PPP2R2C: variants seen among roughly 807,000 people sequenced by gnomAD.
The protein encoded by PPP2R2C is protein phosphatase 2, regulatory subunit B, gamma.
A neutral mutation model predicts 45.3 loss-of-function variants in PPP2R2C; 10 were observed. The ratio of observed to expected loss-of-function variants is 0.22; its 90% CI spans 0.14 to 0.37. The LOEUF is 0.37. Among genes scored for constraint, PPP2R2C ranks in the 10% least tolerant of loss-of-function variants. The pLI is 1.00. For synonymous variants in PPP2R2C, 257 were observed against 245.4 expected, an observed-to-expected ratio of 1.05 and a Z score of -0.44; for missense variants, 308 against 619.7, an observed-to-expected ratio of 0.50 and a Z score of 5.34.
At chr4:6,376,790 T>G (rs1025854027) in intron 3 of PPP2R2C, among the ~76,000 whole-genome samples, 3 of 152,134 alleles carry the variant, frequency 2.0e-5, no homozygotes, top group African/African-American at 7.2e-5. Flanking sequence ...AAGGAGCAGG[T>G]GCATGGGGAC....
intron 6 of PPP2R2C, among the ~76,000 whole-genome samples, chr4:6,344,373 T>C (rs916491643): frequency 1.3e-5 from 2 of 152,162 alleles, no homozygotes; most frequent in Non-Finnish European, 2.9e-5. Context: ...ATCAGGCATA[T>C]GAAATTACGT....
rs1329516944 is a variant in PPP2R2C, at chr4:6,381,015, G to A, written c.150C>T (p.Ile50=). 1.9e-6 allele frequency: 3 copies of A among 1,546,184 alleles called. No individual in the cohort carries two copies. Among genetic ancestry groups the A allele is most frequent in the African/African-American group, 2.7e-5 (2 of 73,526 alleles). ...ATGDKGGRVV[I]FQREPESKNA... The stretch of plus-strand genomic sequence containing the variant: ...TTCGCACCTCTGGTTCCCGCTGGAA[G>A]ATGACGACCCGGCCGCCCTTGTCAC... The change falls in exon 2 of 9, where the codon ATC becomes ATT. Residue 50 remains isoleucine, a synonymous_variant. Transcript: ENST00000382599.
At chr4:6,337,112 GTATATATATATATATATATA>G (rs61657951) in intron 6 of PPP2R2C, among the ~76,000 whole-genome samples, 487 of 30,132 alleles carry the variant, frequency 0.016, 32 homozygotes, top group African/African-American at 0.046. Context: ...ATGTGTGTGT[GTATATATATATATATATATA>G]TATATATATA....
At chr4:6,351,042 C>T (rs1712504042) in intron 5 of PPP2R2C, 1 of 984,502 alleles carries the variant, frequency 1.0e-6, no homozygotes, top group Admixed American at 6.1e-5. Flanking sequence ...CCAGAGCTCA[C>T]ACCTGTAATC....
intron 1 of PPP2R2C, chr4:6,382,457 A>G: frequency 7.4e-7 from 1 of 1,351,500 alleles, no homozygotes; most frequent in Non-Finnish European, 9.8e-7. Flanking sequence ...TGATGACCAA[A>G]CTCCTGAGCC....
intron 8 of PPP2R2C, among the ~76,000 whole-genome samples, chr4:6,327,432 A>C (rs1440077724): frequency 2.6e-5 from 4 of 152,220 alleles, no homozygotes; most frequent in Non-Finnish European, 5.9e-5. Context: ...TCCTGGGAGC[A>C]GGCATCACCT....
intron 1 of PPP2R2C, among the ~76,000 whole-genome samples, chr4:6,419,797 C>G (rs1718846462): frequency 6.6e-6 from 1 of 152,174 alleles, no homozygotes; most frequent in African/African-American, 2.4e-5. Flanking sequence ...CTGACTCCCT[C>G]CTGGCTTCTG....
At chr4:6,512,705 G>C (rs958016035) in intron 2 of PPP2R2C, among the ~76,000 whole-genome samples, 2 of 151,368 alleles carry the variant, frequency 1.3e-5, no homozygotes, top group Non-Finnish European at 2.9e-5. Context: ...ATGATGGTGA[G>C]AGTGTTGATA....
intron 2 of PPP2R2C, among the ~76,000 whole-genome samples, chr4:6,493,003 A>G (rs994641073): frequency 1.3e-5 from 2 of 150,298 alleles, no homozygotes; most frequent in Non-Finnish European, 3.0e-5. Flanking sequence ...CAACACACCA[A>G]CCTCCCAGCT....
chr4:6,360,009 G>C (rs544992367), intron 5 of PPP2R2C, among the ~76,000 whole-genome samples: 31 of 152,302 alleles, frequency 2.0e-4, no homozygotes, highest in African/African-American at 7.5e-4. Context: ...GGCCCCAGTG[G>C]AGATCCCACG....
intron 1 of PPP2R2C, among the ~76,000 whole-genome samples, chr4:6,540,783 G>A (rs1724782217): frequency 6.6e-6 from 1 of 152,224 alleles, no homozygotes; most frequent in South Asian, 2.1e-4. Context: ...AGACTGATGG[G>A]GATACATGGG....
At chr4:6,534,554 T>C (rs929500399) in intron 2 of PPP2R2C, among the ~76,000 whole-genome samples, 17 of 151,072 alleles carry the variant, frequency 1.1e-4, no homozygotes, top group African/African-American at 4.2e-4. Flanking sequence ...CCAACATACA[T>C]GCCCCACCAT....
At chr4:6,439,225 C>T (rs1383576471) in intron 1 of PPP2R2C, among the ~76,000 whole-genome samples, 1 of 152,216 alleles carries the variant, frequency 6.6e-6, no homozygotes, top group Non-Finnish European at 1.5e-5. Flanking sequence ...TTGCCAGTAT[C>T]AGCAGAAATG....
At chr4:6,540,588 C>A (rs187802667) in intron 1 of PPP2R2C, among the ~76,000 whole-genome samples, 1 of 152,216 alleles carries the variant, frequency 6.6e-6, no homozygotes, top group Non-Finnish European at 1.5e-5. Context: ...TTGGTAGATG[C>A]CTAGGAGTAG....
chr4:6,341,088 TC>T (rs578086059), intron 6 of PPP2R2C, among the ~76,000 whole-genome samples: 224 of 152,304 alleles, frequency 1.5e-3, no homozygotes, highest in African/African-American at 4.8e-3. Flanking sequence ...ACGCCTGTAA[TC>T]CCAGCACTTT....
chr4:6,545,732 C>T (rs1052885664), intron 1 of PPP2R2C, among the ~76,000 whole-genome samples: 1 of 152,212 alleles, frequency 6.6e-6, no homozygotes, highest in Non-Finnish European at 1.5e-5. Flanking sequence ...TGGGGCACCT[C>T]GGGTGGGCAG....
Position 6,457,375 on chromosome 4 carries a change from T to C in PPP2R2C, c.70+14785A>G, listed in dbSNP as rs114180013. Among the ~76,000 whole-genome samples, 587 of 151,596 alleles carry C rather than the reference T, an allele frequency of 3.9e-3. 4 individuals are homozygous for C. Among genetic ancestry groups the C allele is most frequent in the African/African-American group, 0.013 (554 of 41,352 alleles). On this transcript the variant is annotated intron_variant, in intron 1 of 8. Transcript: ENST00000382599. Reference sequence around the variant, plus strand: ...ATGTCCATAGGGAATGCACTGGGAATTTTTTTTTCTTTTTGAGACAGGGTC... The same window carrying C: ...ATGTCCATAGGGAATGCACTGGGAACTTTTTTTTCTTTTTGAGACAGGGTC...
chr4:6,472,031 G>GGGAGT, intron 1 of PPP2R2C, 129 bp downstream of exon 1: 1 of 1,108,790 alleles, frequency 9.0e-7, no homozygotes, highest in Non-Finnish European at 1.3e-6. Context: ...GGGGTGGGAT[G>GGGAGT]GGGTGGGGTG....
chr4:6,414,641 G>A (rs1259271283), intron 1 of PPP2R2C, among the ~76,000 whole-genome samples: 2 of 151,814 alleles, frequency 1.3e-5, no homozygotes, highest in Non-Finnish European at 2.9e-5. Context: ...TATATGGATG[G>A]GGAAACCGAG....
Sources: allele counts gnomAD v4.1 joint callset (sites outside exome capture counted in the v4.1 genomes callset), GRCh38; gene constraint gnomAD v4.1.1; transcripts MANE v1.5; gene names NCBI Gene and HGNC (gene_info 2026-07-23, HGNC 2026-07-21).